GLOD4: variants seen among roughly 807,000 people sequenced by gnomAD.
GLOD4 encodes the protein glyoxalase domain containing 4, also known as glyoxalase domain-containing protein 4.
Under a neutral mutation model 39.1 loss-of-function variants are expected in GLOD4, and 44 were observed. The observed-to-expected ratio is 1.13, with a 90% CI of 0.88 to 1.45. The LOEUF (loss-of-function observed/expected upper bound fraction) is 1.45. GLOD4 is among the 40% of genes most tolerant of loss of function. GLOD4 has a pLI of 0.00. For missense variants in GLOD4, 405 were observed against 366.4 expected (o/e 1.11, Z -0.86); for synonymous variants, 145 against 135.0 (o/e 1.07, Z -0.52).
At chr17:775,630 T>A in intron 4 of GLOD4, 145 bp downstream of exon 4, 1 of 646,938 alleles carries the variant, frequency 1.5e-6, no homozygotes. Context: ...GAGAATGTAG[T>A]CTCTCCGATA....
At chr17:782,126 C>T (rs557261518) in intron 1 of GLOD4, 40 bp downstream of exon 1, 2 of 1,494,886 alleles carry the variant, frequency 1.3e-6, no homozygotes, top group South Asian at 1.2e-5. Flanking sequence ...GGCGCCGGTT[C>T]CAGCCTCGCG....
intron 8 of GLOD4, among the ~76,000 whole-genome samples, chr17:768,119 G>C (rs1907046183): frequency 6.8e-6 from 1 of 147,804 alleles, no homozygotes; most frequent in African/African-American, 2.6e-5. Context: ...GTGTGAGAGA[G>C]AAACAGCGTG....
intron 5 of GLOD4, chr17:770,773 T>C: frequency 3.0e-6 from 1 of 328,100 alleles, no homozygotes; most frequent in Non-Finnish European, 5.6e-6. Context: ...TGTTACCATG[T>C]CAATACATAA....
chr17:781,775 C>T, intron 1 of GLOD4: 1 of 199,066 alleles, frequency 5.0e-6, no homozygotes, highest in South Asian at 1.1e-4. Context: ...AAGCAGAACT[C>T]TGAATACGCT....
At chr17:783,476 A>C (rs1192132100), upstream of GLOD4, 1 of 731,238 alleles carries the variant, frequency 1.4e-6, no homozygotes, top group African/African-American at 1.8e-5. Context: ...AGCTGGGATT[A>C]CAGGCGTCTG....
In GLOD4 at chr17:771,352, C is replaced by T. The variant is rs767084471; in HGVS notation, c.516G>A (p.Arg172=). The T allele has an allele frequency of 3.1e-6, 5 of 1,601,576 alleles. No individual in the cohort carries two copies. The East Asian group carries it at 6.7e-5, about 22-fold the overall frequency. ...GGTTATCAGCATAGCCCAGCAAAGC[C>T]CTTTGCTTTTCTTCATCTTTTTCAT... ...KIYEKDEEKQ[R]ALLGYADNQC... Residue 172 remains arginine, a synonymous_variant, in exon 5 of 9, where the codon AGG becomes AGA. Coordinates refer to ENST00000301329, the MANE Select transcript of GLOD4 (RefSeq NM_016080.4).
chr17:774,789 C>T (rs1908606172), intron 4 of GLOD4, among the ~76,000 whole-genome samples: 1 of 152,164 alleles, frequency 6.6e-6, no homozygotes, highest in South Asian at 2.1e-4. Flanking sequence ...GCAAAAAGGG[C>T]CGGGCACGGT....
Position 769,348 on chromosome 17 carries a change from C to T in GLOD4, c.831+521G>A, listed in dbSNP as rs111443218. Among the ~76,000 whole-genome samples the T allele has an allele frequency of 2.3e-3, 111 of 47,356 alleles. 1 individual carries two copies. The highest frequency in any genetic ancestry group is 9.1e-3 in the African/African-American group (106 of 11,676). 31.1% of individuals were successfully genotyped at this position (47,356 alleles called of 152,430 possible). A position where few individuals can be genotyped will look rare whatever the true frequency, so the allele number is the denominator to read the frequency against. On this transcript the variant is annotated intron_variant, in intron 8 of 8. Transcript: ENST00000301329. ...GGGATGGGATGGAGGCATCTCCATGCGGAGAGCTGAGGGGAACGGATGGAG... is the reference window on the plus strand; with the variant it reads ...GGGATGGGATGGAGGCATCTCCATGTGGAGAGCTGAGGGGAACGGATGGAG...
upstream of GLOD4, chr17:783,494 G>A (rs1597593615): frequency 1.1e-5 from 7 of 609,436 alleles, no homozygotes; most frequent in East Asian, 2.4e-4. Flanking sequence ...CTGCCACCAT[G>A]CCCGGGTGAT....
At chr17:764,844 A>T (rs1005066308) in intron 8 of GLOD4, 3 of 149,304 alleles carry the variant, frequency 2.0e-5, no homozygotes, top group Non-Finnish European at 4.4e-5. Context: ...CGTCTCTACT[A>T]AAAATACAAA....
At position 778,649 on chromosome 17, in the gene GLOD4, G is replaced by C. The variant is rs771329018; in HGVS notation, c.140+46C>G. 1.6e-5 allele frequency: 17 copies of C among 1,049,670 alleles called. No homozygotes were observed. In the Admixed American group the frequency reaches 2.9e-4, roughly 18 times the overall value. 65.0% of individuals were successfully genotyped at this position (1,049,670 alleles called of 1,614,324 possible). ...TGAGAAACTGTCTTCTGTTATCCGG[G>C]TGTAGTCAGAGCCTAAAGGAGATTT... On this transcript the variant is annotated intron_variant, in intron 2 of 8. Transcript: ENST00000301329.
intron 5 of GLOD4, chr17:771,117 T>A (rs78514948): frequency 0.02 from 8,079 of 396,402 alleles, 173 homozygotes; most frequent in South Asian, 0.089. Flanking sequence ...TGAAGAGATA[T>A]ATCCCCAAAT....
chr17:767,066 A>G (rs1044810759), intron 8 of GLOD4, among the ~76,000 whole-genome samples: 1 of 152,182 alleles, frequency 6.6e-6, no homozygotes, highest in Non-Finnish European at 1.5e-5. Flanking sequence ...TGCATCTACT[A>G]TTATGTCAGT....
chr17:763,262 C>G (rs1002698410), intron 8 of GLOD4, among the ~76,000 whole-genome samples: 6 of 151,486 alleles, frequency 4.0e-5, no homozygotes, highest in South Asian at 2.1e-4. Flanking sequence ...AATCCCAGCA[C>G]TTTGGGAGGC....
intron 8 of GLOD4, among the ~76,000 whole-genome samples, chr17:765,613 T>G (rs1013131536): frequency 1.3e-5 from 2 of 149,788 alleles, no homozygotes; most frequent in African/African-American, 4.9e-5. Context: ...GTGGATCACC[T>G]GAGGTCAGGA....
chr17:782,599 A>C (rs913501867), upstream of GLOD4: 22 of 1,613,960 alleles, frequency 1.4e-5, no homozygotes, highest in Non-Finnish European at 1.8e-5. Flanking sequence ...CGAGAGAAAC[A>C]ACCGCTCGAG....
At chr17:770,323 C>T in intron 6 of GLOD4, 98 bp downstream of exon 6, 2 of 791,900 alleles carry the variant, frequency 2.5e-6, no homozygotes, top group Admixed American at 1.9e-5. Flanking sequence ...GATACTAAAG[C>T]CACAATCAAA....
At chr17:761,062 G>A (rs1023389108) in intron 8 of GLOD4, among the ~76,000 whole-genome samples, 6 of 152,230 alleles carry the variant, frequency 3.9e-5, no homozygotes, top group Non-Finnish European at 8.8e-5. Flanking sequence ...CAGGTACCAC[G>A]CTGGGTTCAG....
chr17:767,674 AG>A (rs1678443110), intron 8 of GLOD4, among the ~76,000 whole-genome samples: 1 of 151,310 alleles, frequency 6.6e-6, no homozygotes, highest in Admixed American at 6.6e-5. Context: ...GACGTGAGAG[AG>A]AGAAACAGCG....
Sources: gnomAD v4.1 joint callset for allele counts (sites outside exome capture counted in the v4.1 genomes callset) on GRCh38, gnomAD v4.1.1 for gene constraint, MANE v1.5 for transcripts, NCBI Gene and HGNC (gene_info 2026-07-23, HGNC 2026-07-21) for gene names.